The following NOL4L variants were observed in gnomAD, a reference collection of about 807,000 sequenced individuals.
NOL4L encodes nucleolar protein 4 like, also known as nucleolar protein 4-like.
In NOL4L, 7 loss-of-function variants were observed where a neutral mutation model predicts 64.5. That is an observed-to-expected ratio of 0.11 (90% CI 0.06 to 0.20). NOL4L has a LOEUF of 0.20. NOL4L is among the 10% of genes least tolerant of loss of function. The pLI is 1.00. For missense variants in NOL4L, 680 were observed against 967.1 expected (o/e 0.70, Z 3.94); for synonymous variants, 413 against 401.0 (o/e 1.03, Z -0.36).
At chr20:32,448,066 G>A (rs988677351) in intron 10 of NOL4L, among the ~76,000 whole-genome samples, 1 of 152,172 alleles carries the variant, frequency 6.6e-6, no homozygotes, top group Non-Finnish European at 1.5e-5. Context: ...AGGAAGAGGC[G>A]GCCTTGGGGC....
intron 3 of NOL4L, among the ~76,000 whole-genome samples, chr20:32,512,387 T>A (rs542163868): frequency 3.9e-5 from 6 of 152,208 alleles, no homozygotes; most frequent in African/African-American, 1.4e-4. Flanking sequence ...AAAAACATCC[T>A]CAGGTGCCTT....
intron 5 of NOL4L, among the ~76,000 whole-genome samples, chr20:32,466,125 GC>G (rs1275428794): frequency 6.6e-6 from 1 of 151,886 alleles, no homozygotes; most frequent in Non-Finnish European, 1.5e-5. Flanking sequence ...CCATCACCAC[GC>G]CCAGCTAATT....
intron 5 of NOL4L, among the ~76,000 whole-genome samples, chr20:32,465,735 G>A (rs1428121112): frequency 6.6e-6 from 1 of 152,256 alleles, no homozygotes; most frequent in Non-Finnish European, 1.5e-5. Context: ...AGCCAGTCTG[G>A]GTTCGGTGCA....
intron 1 of NOL4L, among the ~76,000 whole-genome samples, chr20:32,547,009 G>A (rs2018741876): frequency 6.6e-6 from 1 of 152,210 alleles, no homozygotes; most frequent in Admixed American, 6.5e-5. Context: ...TTTCAGAGGG[G>A]CTTGATTTTC....
At chr20:32,520,994 T>C (rs2017912867) in intron 2 of NOL4L, 72 bp from the exon 3 acceptor site, 1 of 980,280 alleles carries the variant, frequency 1.0e-6, no homozygotes, top group Non-Finnish European at 1.5e-6. Context: ...GTCACCAAGG[T>C]CTGAGCTTTG....
chr20:32,550,597 A>C (rs2018787208), intron 1 of NOL4L, among the ~76,000 whole-genome samples: 1 of 152,150 alleles, frequency 6.6e-6, no homozygotes, highest in Non-Finnish European at 1.5e-5. Flanking sequence ...AATACAAAAA[A>C]GTGGCCGGGC....
intron 4 of NOL4L, among the ~76,000 whole-genome samples, chr20:32,500,693 A>G (rs2016889309): frequency 6.6e-6 from 1 of 152,096 alleles, no homozygotes; most frequent in Non-Finnish European, 1.5e-5. Flanking sequence ...GGAAATATGC[A>G]AGATGAGCCT....
chr20:32,505,041 A>G (rs1190260861), intron 4 of NOL4L, among the ~76,000 whole-genome samples: 1 of 152,222 alleles, frequency 6.6e-6, no homozygotes, highest in Non-Finnish European at 1.5e-5. Context: ...AAAGAAGGGA[A>G]TCATCACTGC....
At chr20:32,495,673 A>T (rs1327768332) in intron 4 of NOL4L, among the ~76,000 whole-genome samples, 1 of 152,140 alleles carries the variant, frequency 6.6e-6, no homozygotes, top group Non-Finnish European at 1.5e-5. Flanking sequence ...AGCATGAAGA[A>T]GTTAGATGGC....
At chr20:32,513,664 G>T (rs1316458575) in intron 3 of NOL4L, among the ~76,000 whole-genome samples, 1 of 152,226 alleles carries the variant, frequency 6.6e-6, no homozygotes, top group Non-Finnish European at 1.5e-5. Context: ...GGAGTTCAAG[G>T]CCAGCCTGGG....
At position 32,585,049 on chromosome 20, in the gene NOL4L, G is replaced by T; in HGVS notation, c.-159C>A. The T allele has an allele frequency of 4.2e-6, 1 of 238,800 alleles. No individual in the cohort carries two copies. The highest frequency in any genetic ancestry group is 6.7e-6 in the Non-Finnish European group (1 of 148,988). 14.8% of individuals were successfully genotyped at this position (238,800 alleles called of 1,614,324 possible). On this transcript the variant is annotated 5_prime_UTR_variant, in exon 1 of 11. Transcript: ENST00000621426. The stretch of plus-strand genomic sequence containing the variant: ...GGCTGCTGGATGGGCGCGGGCGGCG[G>T]CCGGACGCGCGGGGCTGCGGCGCGC...
In NOL4L at chr20:32,488,334, T is replaced by C. The variant is rs1043395204; in HGVS notation, c.700-13592A>G. 2.8e-4 allele frequency among the ~76,000 whole-genome samples: 43 copies of C among 152,144 alleles called. 1 individual carries two copies. Among genetic ancestry groups the C allele is most frequent in the African/African-American group, 1.0e-3 (42 of 41,444 alleles). On this transcript the variant is annotated intron_variant, in intron 4 of 10. Coordinates refer to ENST00000621426, the MANE Select transcript of NOL4L (RefSeq NM_001256798.2). ...GTTTCATACCCTGGTACCATCGCAA[T>C]GCACAGGGCTGTGGAACCAATGGTG...
At chr20:32,521,666 T>C (rs1219244415) in intron 2 of NOL4L, among the ~76,000 whole-genome samples, 1 of 151,550 alleles carries the variant, frequency 6.6e-6, no homozygotes, top group African/African-American at 2.4e-5. Context: ...GGAGGGAACA[T>C]GAAAAAAGGG....
chr20:32,531,498 G>T (rs780859585), intron 1 of NOL4L, among the ~76,000 whole-genome samples: 4 of 151,750 alleles, frequency 2.6e-5, no homozygotes, highest in African/African-American at 4.8e-5. Context: ...GATTAAAGGC[G>T]CCTGCCACCA....
At chr20:32,488,845 TTCTTTC>T (rs1568649050) in intron 4 of NOL4L, among the ~76,000 whole-genome samples, 6 of 90,578 alleles carry the variant, frequency 6.6e-5, no homozygotes, top group African/African-American at 3.8e-4. Flanking sequence ...CTTTCTTTCT[TTCTTTC>T]TTTCTTTCTT....
At chr20:32,583,445 A>C in intron 1 of NOL4L, among the ~76,000 whole-genome samples, 1 of 106,974 alleles carries the variant, frequency 9.3e-6, no homozygotes, top group African/African-American at 3.5e-5. Context: ...CGGCCGGGGG[A>C]GGAGCGCGGA....
At chr20:32,472,328 C>T (rs1431347580) in intron 5 of NOL4L, among the ~76,000 whole-genome samples, 1 of 152,238 alleles carries the variant, frequency 6.6e-6, no homozygotes, top group Non-Finnish European at 1.5e-5. Flanking sequence ...CAGACTTCCA[C>T]GAAGGACGGA....
intron 1 of NOL4L, among the ~76,000 whole-genome samples, chr20:32,542,568 G>A (rs1422118566): frequency 6.6e-6 from 1 of 152,088 alleles, no homozygotes; most frequent in Non-Finnish European, 1.5e-5. Context: ...TGCCCACGCT[G>A]GTCTCGAACT....
chr20:32,474,062 C>G (rs560500903), intron 5 of NOL4L, among the ~76,000 whole-genome samples: 79 of 152,350 alleles, frequency 5.2e-4, no homozygotes, highest in Non-Finnish European at 7.9e-4. Flanking sequence ...GCCTGGCAGG[C>G]CCTGCGCGGA....
Sources: gnomAD v4.1 joint callset for allele counts (sites outside exome capture counted in the v4.1 genomes callset) on GRCh38, gnomAD v4.1.1 for gene constraint, MANE v1.5 for transcripts, NCBI Gene and HGNC (gene_info 2026-07-23, HGNC 2026-07-21) for gene names.